The following UNC5D variants were observed in gnomAD, a reference collection of about 807,000 sequenced individuals.
UNC5D encodes netrin receptor UNC5D.
In UNC5D, 39 loss-of-function variants were observed where a neutral mutation model predicts 105.4. That is an observed-to-expected ratio of 0.37 (90% CI 0.29 to 0.48). UNC5D has a LOEUF of 0.48. Ranked by LOEUF, UNC5D falls within the 20% of genes least tolerant of loss-of-function variation. The pLI is 0.98. For missense variants in UNC5D, 991 were observed against 1,202.4 expected (o/e 0.82, Z 2.60); for synonymous variants, 452 against 450.4 (o/e 1.00, Z -0.04).
chr8:35,237,990 T>C (rs1029395406), intron 1 of UNC5D, among the ~76,000 whole-genome samples: 8 of 152,206 alleles, frequency 5.3e-5, no homozygotes, highest in African/African-American at 1.7e-4. Context: ...TGGTGTGGCA[T>C]GCTTGCCTGA....
At chr8:35,400,748 T>A (rs1181333637) in intron 1 of UNC5D, among the ~76,000 whole-genome samples, 1 of 152,178 alleles carries the variant, frequency 6.6e-6, no homozygotes, top group Admixed American at 6.5e-5. Flanking sequence ...CATTCAAAAT[T>A]GGCCGATTAT....
chr8:35,337,082 T>A (rs1015736428), intron 1 of UNC5D, among the ~76,000 whole-genome samples: 1 of 152,182 alleles, frequency 6.6e-6, no homozygotes, highest in African/African-American at 2.4e-5. Flanking sequence ...GACTAATGAT[T>A]TAGAAATCTT....
At chr8:35,705,607 TAG>T (rs1208361034) in intron 7 of UNC5D, among the ~76,000 whole-genome samples, 3 of 152,136 alleles carry the variant, frequency 2.0e-5, no homozygotes, top group African/African-American at 7.2e-5. Flanking sequence ...TTGTATATAA[TAG>T]AGTGACAGGC....
At chr8:35,479,367 C>G (rs1269695971) in intron 1 of UNC5D, among the ~76,000 whole-genome samples, 1 of 152,118 alleles carries the variant, frequency 6.6e-6, no homozygotes, top group African/African-American at 2.4e-5. Flanking sequence ...GTGGAGCCCT[C>G]TATTAACAAA....
In UNC5D at chr8:35,603,753, ATAGT is replaced by A. The variant is rs573891273; in HGVS notation, c.570+8102_570+8105del. Among the ~76,000 whole-genome samples the A allele has an allele frequency of 6.2e-3, 941 of 152,210 alleles. 4 individuals carry two copies. The highest frequency in any genetic ancestry group is 0.022 in the African/African-American group (908 of 41,530). On this transcript the variant is annotated intron_variant, in intron 4 of 16. Coordinates refer to ENST00000404895, the MANE Select transcript of UNC5D (RefSeq NM_080872.4). ...TGTATTGGGTGCATATATATTTAGG[ATAGT>A]TAGTTCTTCTTGTTGAATTGATCCC...
At chr8:35,568,770 G>C (rs996030265) in intron 3 of UNC5D, among the ~76,000 whole-genome samples, 1 of 152,192 alleles carries the variant, frequency 6.6e-6, no homozygotes, top group Non-Finnish European at 1.5e-5. Context: ...ATTCTGCCTA[G>C]ACAGTCGGAG....
chr8:35,529,550 A>G (rs1814174893), intron 1 of UNC5D, among the ~76,000 whole-genome samples: 4 of 122,266 alleles, frequency 3.3e-5, no homozygotes, highest in African/African-American at 1.4e-4. Flanking sequence ...TTGGTTCCAT[A>G]TGAACTTTAA....
At chr8:35,628,518 A>G (rs1821834449) in intron 4 of UNC5D, among the ~76,000 whole-genome samples, 1 of 152,146 alleles carries the variant, frequency 6.6e-6, no homozygotes, top group Non-Finnish European at 1.5e-5. Flanking sequence ...GTGTGCATAG[A>G]TTTTTCAGAA....
intron 11 of UNC5D, among the ~76,000 whole-genome samples, chr8:35,747,932 G>A (rs16884375): frequency 0.075 from 11,441 of 152,222 alleles, 1,175 homozygotes; most frequent in African/African-American, 0.23. Context: ...ATGATATTAT[G>A]CACACTTGTA....
At chr8:35,318,641 G>A (rs542258483) in intron 1 of UNC5D, among the ~76,000 whole-genome samples, 2 of 152,156 alleles carry the variant, frequency 1.3e-5, no homozygotes, top group Admixed American at 1.3e-4. Context: ...TAATAATCAT[G>A]TCTTTTCTGC....
intron 1 of UNC5D, among the ~76,000 whole-genome samples, chr8:35,237,452 A>G (rs1802546170): frequency 6.6e-6 from 1 of 152,028 alleles, no homozygotes; most frequent in Admixed American, 6.6e-5. Context: ...TCCACTTACT[A>G]TTCGTGTGGA....
chr8:35,607,304 C>T (rs984766292), intron 4 of UNC5D, among the ~76,000 whole-genome samples: 2 of 152,126 alleles, frequency 1.3e-5, no homozygotes, highest in Non-Finnish European at 2.9e-5. Context: ...ATTAGTTTCC[C>T]AGGCTGCTGT....
rs549517140 is a variant in UNC5D at position 35,273,711 on chromosome 8, G to A, written c.103+37824G>A. 6.3e-4 allele frequency among the ~76,000 whole-genome samples: 96 copies of A among 152,246 alleles called. 1 individual carries two copies. Among genetic ancestry groups the A allele is most frequent in the African/African-American group, 2.2e-3 (91 of 41,536 alleles). On this transcript the variant is annotated intron_variant, in intron 1 of 16. Transcript: ENST00000404895. Reference sequence around the variant, plus strand: ...TAGTCTCATATCATAACCACTCTAGGATGGTAATATTTGAAAATTCTTGCC... The same window carrying A: ...TAGTCTCATATCATAACCACTCTAGAATGGTAATATTTGAAAATTCTTGCC...
chr8:35,442,949 C>A (rs942446137), intron 1 of UNC5D, among the ~76,000 whole-genome samples: 2 of 150,020 alleles, frequency 1.3e-5, no homozygotes, highest in African/African-American at 4.9e-5. Context: ...ACACACACAC[C>A]ACTGTGCTTA....
At chr8:35,669,033 C>A (rs766606431) in intron 4 of UNC5D, among the ~76,000 whole-genome samples, 2 of 152,014 alleles carry the variant, frequency 1.3e-5, no homozygotes, top group Non-Finnish European at 2.9e-5. Context: ...CCCCTCCACT[C>A]CCACTTCTTT....
At chr8:35,395,595 G>A (rs1207071429) in intron 1 of UNC5D, among the ~76,000 whole-genome samples, 1 of 152,086 alleles carries the variant, frequency 6.6e-6, no homozygotes, top group Non-Finnish European at 1.5e-5. Flanking sequence ...TTGAAAGCTG[G>A]AGGGGTCATG....
intron 1 of UNC5D, among the ~76,000 whole-genome samples, chr8:35,314,672 T>C (rs1809150374): frequency 6.6e-6 from 1 of 152,184 alleles, no homozygotes; most frequent in African/African-American, 2.4e-5. Flanking sequence ...ACATAAATAA[T>C]TTTGTTTTGG....
chr8:35,766,437 G>A lies in UNC5D; in HGVS notation c.2314-465G>A, dbSNP rs574629725. Among the ~76,000 whole-genome samples, 3 of 152,240 alleles carry A rather than the reference G, an allele frequency of 2.0e-5. 1 individual carries two copies. In the South Asian group the frequency reaches 6.2e-4, roughly 32 times the overall value. ...ATATTGTATTCTCACAATTCTGCAT[G>A]AGTTTGTGGTGTGGAGTTAAGTTCT... is the stretch of plus-strand genomic sequence containing the variant. On this transcript the variant is annotated intron_variant, in intron 14 of 16. Transcript: ENST00000404895.
intron 1 of UNC5D, among the ~76,000 whole-genome samples, chr8:35,268,407 AG>A: frequency 6.6e-6 from 1 of 152,154 alleles, no homozygotes; most frequent in East Asian, 1.9e-4. Context: ...CCACTCTAAA[AG>A]CCATTACAAC....
Sources: gnomAD v4.1 joint callset for allele counts (sites outside exome capture counted in the v4.1 genomes callset) on GRCh38, gnomAD v4.1.1 for gene constraint, MANE v1.5 for transcripts, NCBI Gene and HGNC (gene_info 2026-07-23, HGNC 2026-07-21) for gene names.